The following CLEC3A variants were observed in gnomAD, a reference collection of about 807,000 sequenced individuals.
CLEC3A encodes C-type lectin domain family 3 member A.
A neutral mutation model predicts 20.4 loss-of-function variants in CLEC3A; 28 were observed. The observed-to-expected ratio is 1.37, with a 90% CI of 1.02 to 1.88. The LOEUF is 1.88. Ranked by LOEUF, CLEC3A falls within the 40% of genes most tolerant of loss-of-function variation. CLEC3A has a pLI of 0.00. For missense variants in CLEC3A, 357 were observed against 240.4 expected (o/e 1.48, Z -3.21); for synonymous variants, 110 against 88.1 (o/e 1.25, Z -1.39).
rs2030091711 is a variant in CLEC3A at position 78,031,151 on chromosome 16, C to G, written c.*310C>G. On this transcript the variant is annotated 3_prime_UTR_variant, in exon 3 of 3. Transcript: ENST00000299642. ...AACCCAGTTTGTTTTCAAAAAATCA[C>G]AGTAGCAATGCAACTCATCACTCTA... 2 of 239,392 alleles carry G rather than the reference C, an allele frequency of 8.4e-6. No individual in the cohort carries two copies. Among genetic ancestry groups the G allele is most frequent in the Non-Finnish European group, 8.0e-6 (1 of 125,144 alleles). The allele number at this position is 239,392 out of a possible 1,614,324, so 14.8% of individuals were successfully genotyped here. A position where few individuals can be genotyped will look rare whatever the true frequency, so the allele number is the denominator to read the frequency against.
intron 1 of CLEC3A, among the ~76,000 whole-genome samples, chr16:78,027,333 G>T (rs930191253): frequency 6.6e-6 from 1 of 152,192 alleles, no homozygotes; most frequent in Non-Finnish European, 1.5e-5. Context: ...TAGCAGAAGG[G>T]ATACTAAATT....
intron 2 of CLEC3A, among the ~76,000 whole-genome samples, chr16:78,029,344 T>C (rs182350976): frequency 6.6e-5 from 10 of 152,298 alleles, no homozygotes; most frequent in African/African-American, 2.4e-4. Flanking sequence ...TCTCTCCACA[T>C]GCAAAACTAG....
In CLEC3A at chr16:78,030,595, CTA is replaced by C; in HGVS notation, c.350_351del (p.Tyr117TrpfsTer2). 1 of 1,614,176 alleles carries C rather than the reference CTA, an allele frequency of 6.2e-7. No individual in the cohort carries two copies. Among genetic ancestry groups the C allele is most frequent in the Non-Finnish European group, 8.5e-7 (1 of 1,180,042 alleles). Reference protein sequence around the residue: ...NSDEINALQDYGKRSLPGVND... With the variant: ...NSDEINALQDXGKRSLPGVND... Reference sequence around the variant, plus strand: ...CCGACGAAATCAACGCCCTCCAAGACTATGGTAAAAGGAGCCTGCCAGGTGTC... The same window carrying C: ...CCGACGAAATCAACGCCCTCCAAGACTGGTAAAAGGAGCCTGCCAGGTGTC... On this transcript the variant is annotated frameshift_variant, in exon 3 of 3. Coordinates refer to ENST00000299642, the MANE Select transcript of CLEC3A (RefSeq NM_005752.6). LOFTEE classifies it high-confidence loss of function.
intron 1 of CLEC3A, 46 bp downstream of exon 1, chr16:78,022,787 T>C (rs754146134): frequency 2.4e-5 from 39 of 1,602,290 alleles, no homozygotes; most frequent in Admixed American, 5.1e-5. Flanking sequence ...TTAGACAGTG[T>C]GGGGAGGTGC....
At chr16:78,027,194 A>T (rs1296196669) in intron 1 of CLEC3A, among the ~76,000 whole-genome samples, 1 of 152,224 alleles carries the variant, frequency 6.6e-6, no homozygotes, top group Non-Finnish European at 1.5e-5. Context: ...AAGAACCAAG[A>T]ATAATAAGAC....
chr16:78,026,819 A>G (rs1024408938), intron 1 of CLEC3A, among the ~76,000 whole-genome samples: 2 of 152,216 alleles, frequency 1.3e-5, no homozygotes, highest in African/African-American at 4.8e-5. Context: ...AGCTATAAAG[A>G]TCCTTTAGCC....
chr16:78,026,102 C>G (rs1274041736), intron 1 of CLEC3A, among the ~76,000 whole-genome samples: 1 of 152,136 alleles, frequency 6.6e-6, no homozygotes. Context: ...AATGGTCACA[C>G]AGGTAAAAAT....
rs2030088666 is a variant in CLEC3A, at chr16:78,031,058, G to A, written c.*217G>A. The A allele has an allele frequency of 7.7e-6, 4 of 519,866 alleles. No individual in the cohort carries two copies. Among genetic ancestry groups the A allele is most frequent in the Non-Finnish European group, 1.3e-5 (4 of 299,128 alleles). 32.2% of individuals were successfully genotyped at this position (519,866 alleles called of 1,614,324 possible). A position where few individuals can be genotyped will look rare whatever the true frequency, so the allele number is the denominator to read the frequency against. On this transcript the variant is annotated 3_prime_UTR_variant, in exon 3 of 3. Coordinates refer to ENST00000299642, the MANE Select transcript of CLEC3A (RefSeq NM_005752.6). ...GGGGATCAGAAATATTGATCCATGT[G>A]CACGCAGATAAAATGGCTTCTGCTA...
Position 78,031,135 on chromosome 16 carries a change from TG to T in CLEC3A, c.*295del, listed in dbSNP as rs1359916009. On this transcript the variant is annotated 3_prime_UTR_variant, in exon 3 of 3. Transcript: ENST00000299642. ...CTTTCTCACTTGTACAAACCCAGTTTGTTTTCAAAAAATCACAGTAGCAATG... is the reference window on the plus strand; with the variant it reads ...CTTTCTCACTTGTACAAACCCAGTTTTTTTCAAAAAATCACAGTAGCAATG... The T allele has an allele frequency of 1.5e-5, 4 of 264,038 alleles. No individual in the cohort carries two copies. Among genetic ancestry groups the T allele is most frequent in the African/African-American group, 6.7e-5 (3 of 44,802 alleles). 16.4% of individuals were successfully genotyped at this position (264,038 alleles called of 1,614,324 possible).
At position 78,031,279 on chromosome 16, in the gene CLEC3A, C is replaced by G. The variant is rs1312631077; in HGVS notation, c.*438C>G. The G allele has an allele frequency of 6.4e-6, 1 of 155,676 alleles. No individual in the cohort carries two copies. 9.6% of individuals were successfully genotyped at this position (155,676 alleles called of 1,614,324 possible). A position where few individuals can be genotyped will look rare whatever the true frequency, so the allele number is the denominator to read the frequency against. On this transcript the variant is annotated 3_prime_UTR_variant, in exon 3 of 3. Transcript: ENST00000299642. Reference sequence around the variant, plus strand: ...TCAGAGACTCTAGGTGCTATATAATCCAAAAACTTTTCAGCCTGTTGCTCA... The same window carrying G: ...TCAGAGACTCTAGGTGCTATATAATGCAAAAACTTTTCAGCCTGTTGCTCA...
chr16:78,027,731 C>G (rs193293625), intron 1 of CLEC3A, among the ~76,000 whole-genome samples: 1 of 152,128 alleles, frequency 6.6e-6, no homozygotes, highest in Non-Finnish European at 1.5e-5. Flanking sequence ...TCTTTGCTCA[C>G]TGCAACCTCT....
intron 2 of CLEC3A, 40 bp from the exon 3 acceptor site, chr16:78,030,407 C>G (rs2030057126): frequency 6.5e-7 from 1 of 1,538,096 alleles, no homozygotes; most frequent in Non-Finnish European, 8.8e-7. Context: ...ATAATACACT[C>G]AAAATGCATC....
At position 78,028,318 on chromosome 16, in the gene CLEC3A, A is replaced by G. The variant is rs928211176; in HGVS notation, c.199+128A>G. 6.6e-6 allele frequency: 4 copies of G among 609,024 alleles called. No individual in the cohort carries two copies. In the East Asian group the frequency reaches 9.3e-5, roughly 14 times the overall value. The allele number at this position is 609,024 out of a possible 1,614,324, so 37.7% of individuals were successfully genotyped here. A position where few individuals can be genotyped will look rare whatever the true frequency, so the allele number is the denominator to read the frequency against. On this transcript the variant is annotated intron_variant, in intron 2 of 2. Coordinates refer to ENST00000299642, the MANE Select transcript of CLEC3A (RefSeq NM_005752.6). ...TAATGTGGCCAATAAGAGGGCCCCA[A>G]TGCCGGGAGATGATTGTTTTAGGAA... is the stretch of plus-strand genomic sequence containing the variant.
At chr16:78,030,122 C>T (rs1196266641) in intron 2 of CLEC3A, among the ~76,000 whole-genome samples, 1 of 132,408 alleles carries the variant, frequency 7.6e-6, no homozygotes. Context: ...CACTGCACTC[C>T]AGCCTGGGCG....
intron 2 of CLEC3A, among the ~76,000 whole-genome samples, chr16:78,030,242 A>G (rs953889330): frequency 2.2e-4 from 33 of 152,134 alleles, no homozygotes; most frequent in African/African-American, 7.0e-4. Context: ...GGGTAATAAA[A>G]TACAACTTCA....
In CLEC3A at chr16:78,026,016, G is replaced by A. The variant is rs182780080; in HGVS notation, c.116-2091G>A. ...CTTATACCTTGGAAGAAAGTGTTCAGCAGTCTTTGCAAGCCCGGCCCCCAC... is the reference window on the plus strand; with the variant it reads ...CTTATACCTTGGAAGAAAGTGTTCAACAGTCTTTGCAAGCCCGGCCCCCAC... On this transcript the variant is annotated intron_variant, in intron 1 of 2. Coordinates refer to ENST00000299642, the MANE Select transcript of CLEC3A (RefSeq NM_005752.6). Among the ~76,000 whole-genome samples, 1,426 of 152,292 alleles carry A rather than the reference G, an allele frequency of 9.4e-3. 18 individuals are homozygous for A. Among genetic ancestry groups the A allele is most frequent in the South Asian group, 0.021 (102 of 4,826 alleles).
intron 1 of CLEC3A, 152 bp downstream of exon 1, chr16:78,022,893 C>T: frequency 1.4e-6 from 1 of 721,682 alleles, no homozygotes; most frequent in Non-Finnish European, 2.1e-6. Context: ...ATTAAGTGAA[C>T]TTGTAATGCT....
intron 2 of CLEC3A, among the ~76,000 whole-genome samples, chr16:78,028,530 G>T (rs1446714815): frequency 6.6e-6 from 1 of 152,206 alleles, no homozygotes; most frequent in African/African-American, 2.4e-5. Flanking sequence ...TGCCTATCAG[G>T]CCACCAGGAC....
At chr16:78,027,004 T>C (rs994517881) in intron 1 of CLEC3A, among the ~76,000 whole-genome samples, 13 of 152,214 alleles carry the variant, frequency 8.5e-5, no homozygotes, top group Non-Finnish European at 1.9e-4. Flanking sequence ...AATTCTGCCA[T>C]GTATCTTTTG....
Sources: gnomAD v4.1 joint callset for allele counts (sites outside exome capture counted in the v4.1 genomes callset) on GRCh38, gnomAD v4.1.1 for gene constraint, MANE v1.5 for transcripts, NCBI Gene and HGNC (gene_info 2026-07-23, HGNC 2026-07-21) for gene names.